Variants in AXIN2 observed in about 807,000 individuals in gnomAD.
AXIN2 encodes axin 2.
Under a neutral mutation model 74.7 loss-of-function variants are expected in AXIN2, and 21 were observed. The ratio of observed to expected loss-of-function variants is 0.28; its 90% confidence interval spans 0.20 to 0.40. The LOEUF (loss-of-function observed/expected upper bound fraction) is 0.40. Among genes scored for constraint, AXIN2 ranks in the 10% least tolerant of loss-of-function variants. The pLI is 1.00. For missense variants in AXIN2, 1,144 were observed against 1,111.1 expected (o/e 1.03, Z -0.42); for synonymous variants, 532 against 454.9 (o/e 1.17, Z -2.16).
In AXIN2 at chr17:65,558,094, G is replaced by A. The variant is rs878854731; in HGVS notation, c.527C>T (p.Thr176Ile). 4 of 1,613,914 alleles carry A rather than the reference G, an allele frequency of 2.5e-6. No homozygotes were observed. In the African/African-American group the frequency reaches 5.3e-5, roughly 22 times the overall value. ...TTCCTCCATCACCGACTGGATCTCG[G>A]TCTGCGCCTGGTCAAACATGATGGA... is the stretch of plus-strand genomic sequence containing the variant. ...IDSIMFDQAQTEIQSVMEENA... is the reference protein window; with the variant it reads ...IDSIMFDQAQIEIQSVMEENA... Residue 176 changes from threonine (T) to isoleucine (I), a missense_variant, in exon 2 of 11, where the codon ACC becomes ATC. Coordinates refer to ENST00000307078, the MANE Select transcript of AXIN2 (RefSeq NM_004655.4).
rs876661104 is a variant in AXIN2 at position 65,561,461 on chromosome 17, G to A, written c.-128C>T. On this transcript the variant is annotated 5_prime_UTR_variant, in exon 1 of 11. Coordinates refer to ENST00000307078, the MANE Select transcript of AXIN2 (RefSeq NM_004655.4). ...GCTTCCACCCCCACCTTTTACAGCAGGGCCTTCGGCGGGCGCCTCGGCCGC... is the reference window on the plus strand; with the variant it reads ...GCTTCCACCCCCACCTTTTACAGCAAGGCCTTCGGCGGGCGCCTCGGCCGC... 6 of 150,434 alleles carry A rather than the reference G, an allele frequency of 4.0e-5. No individual in the cohort carries two copies. Among genetic ancestry groups the A allele is most frequent in the East Asian group, 1.9e-4 (1 of 5,138 alleles). The allele number at this position is 150,434 out of a possible 1,614,324, so 9.3% of individuals were successfully genotyped here.
chr17:65,539,079 T>C lies in AXIN2; in HGVS notation c.1060-736A>G, dbSNP rs952958798. On this transcript the variant is annotated intron_variant, in intron 4 of 10. Coordinates refer to ENST00000307078, the MANE Select transcript of AXIN2 (RefSeq NM_004655.4). ...GAAAAGGGAACATCTCCAAATCAAG[T>C]GCAGAATATAAAAAGGCACCGAGTA... Among the ~76,000 whole-genome samples the C allele has an allele frequency of 3.9e-5, 6 of 152,142 alleles. No individual in the cohort carries two copies. The South Asian group carries it at 1.2e-3, about 32-fold the overall frequency.
intron 5 of AXIN2, 138 bp from the exon 6 acceptor site, chr17:65,537,973 C>G: frequency 1.5e-6 from 2 of 1,353,418 alleles, no homozygotes; most frequent in Non-Finnish European, 2.0e-6. Flanking sequence ...TGCGCACACG[C>G]ACAGGCCCGC....
At chr17:65,556,721 G>A (rs180922276) in intron 2 of AXIN2, among the ~76,000 whole-genome samples, 173 of 152,190 alleles carry the variant, frequency 1.1e-3, no homozygotes, top group African/African-American at 4.0e-3. Flanking sequence ...TCTTCCTGCT[G>A]CTGGGCACTA....
chr17:65,554,064 C>T (rs926269162), intron 2 of AXIN2, among the ~76,000 whole-genome samples: 10 of 151,364 alleles, frequency 6.6e-5, no homozygotes, highest in Admixed American at 2.6e-4. Context: ...CAGAGACCCC[C>T]GGAACCTTCA....
In AXIN2 at chr17:65,532,428, A is replaced by T. The variant is rs369790656; in HGVS notation, c.2405+1484T>A. ...TGTGTCTTTTCAAGATAAAAGCAGC[A>T]GCAGCAGCAGCCAGGCCTGTTCCCC... is the stretch of plus-strand genomic sequence containing the variant. On this transcript the variant is annotated intron_variant, in intron 10 of 10. Coordinates refer to ENST00000307078, the MANE Select transcript of AXIN2 (RefSeq NM_004655.4). 5.3e-5 allele frequency among the ~76,000 whole-genome samples: 8 copies of T among 152,326 alleles called. No homozygotes were observed. In the East Asian group the frequency reaches 1.4e-3, roughly 26 times the overall value.
intron 2 of AXIN2, among the ~76,000 whole-genome samples, chr17:65,554,374 C>T (rs2044237674): frequency 6.6e-6 from 1 of 152,240 alleles, no homozygotes; most frequent in African/African-American, 2.4e-5. Context: ...AAGGTCACTG[C>T]CCAAAAGGCA....
intron 1 of AXIN2, chr17:65,560,561 C>T (rs1367419229): frequency 6.6e-6 from 1 of 152,252 alleles, no homozygotes; most frequent in African/African-American, 2.4e-5. Context: ...TCTGCCCCCT[C>T]TCCGCCCCCG....
intron 10 of AXIN2, among the ~76,000 whole-genome samples, chr17:65,531,424 C>CGG (rs756965909): frequency 2.0e-5 from 3 of 151,700 alleles, no homozygotes; most frequent in Non-Finnish European, 2.9e-5. Flanking sequence ...TCAAAATTCT[C>CGG]GGGGGAGCGT....
chr17:65,553,104 T>C (rs1034372472), intron 2 of AXIN2, among the ~76,000 whole-genome samples: 9 of 152,184 alleles, frequency 5.9e-5, no homozygotes, highest in African/African-American at 2.2e-4. Flanking sequence ...TCATCATCTT[T>C]ATCATGATCT....
Position 65,535,733 on chromosome 17 carries a change from G to A in AXIN2, c.2142-12C>T. On this transcript the variant is annotated splice_polypyrimidine_tract_variant and intron_variant, in intron 8 of 10. Transcript: ENST00000307078. ...TGGCCACACAGCACCTGAGGACACA[G>A]CCAGGGCGAGGGATTTAGAGGTACA... is the stretch of plus-strand genomic sequence containing the variant. 1 of 1,611,742 alleles carries A rather than the reference G, an allele frequency of 6.2e-7. No individual in the cohort carries two copies. The highest frequency in any genetic ancestry group is 1.7e-4 in the Middle Eastern group (1 of 6,050).
intron 5 of AXIN2, 29 bp from the exon 6 acceptor site, chr17:65,537,864 T>G (rs1028852098): frequency 2.0e-6 from 3 of 1,519,598 alleles, no homozygotes; most frequent in Non-Finnish European, 2.6e-6. Context: ...GAAGGAGAAG[T>G]GACCCAGGAA....
Position 65,529,810 on chromosome 17 carries a change from A to G in AXIN2, c.*166T>C. 9.1e-7 allele frequency: 1 copy of G among 1,095,172 alleles called. No homozygotes were observed. The allele number at this position is 1,095,172 out of a possible 1,614,324, so 67.8% of individuals were successfully genotyped here. On this transcript the variant is annotated 3_prime_UTR_variant, in exon 11 of 11. Coordinates refer to ENST00000307078, the MANE Select transcript of AXIN2 (RefSeq NM_004655.4). The stretch of plus-strand genomic sequence containing the variant: ...ACCCAGCTCATGAATCATGAAAATC[A>G]ACCTCCCCCCGCCCTCCCGAAGGCC...
chr17:65,530,016 T>G lies in AXIN2; in HGVS notation c.2492A>C (p.Tyr831Ser). Reference sequence around the variant, plus strand: ...CACTTTGCCCAGAATCCGGCCTTCATACATCGGGAGCACCGTCTCATCCTC... The same window carrying G: ...CACTTTGCCCAGAATCCGGCCTTCAGACATCGGGAGCACCGTCTCATCCTC... ...IWEDETVLPM[Y>S]EGRILGKVER... The change falls in exon 11 of 11, where the codon TAT becomes TCT. Residue 831 changes from tyrosine (Y) to serine (S), a missense_variant. This residue lies in a region of AXIN2 where 65 missense variants were observed against 95.7 expected (regional missense o/e 0.68). Coordinates refer to ENST00000307078, the MANE Select transcript of AXIN2 (RefSeq NM_004655.4). 1 of 1,614,222 alleles carries G rather than the reference T, an allele frequency of 6.2e-7. No individual in the cohort carries two copies. Among genetic ancestry groups the G allele is most frequent in the Non-Finnish European group, 8.5e-7 (1 of 1,180,032 alleles).
At chr17:65,560,367 G>C (rs1404901507) in intron 1 of AXIN2, 1 of 151,916 alleles carries the variant, frequency 6.6e-6, no homozygotes, top group Admixed American at 6.5e-5. Flanking sequence ...GCGGCAGGGA[G>C]GGGAAAAGGG....
intron 2 of AXIN2, among the ~76,000 whole-genome samples, chr17:65,549,964 G>A (rs1415457372): frequency 6.6e-6 from 1 of 152,200 alleles, no homozygotes; most frequent in African/African-American, 2.4e-5. Context: ...TTAGAGGAAG[G>A]AACTGGACTC....
chr17:65,544,860 C>T (rs2044095632), intron 3 of AXIN2, among the ~76,000 whole-genome samples: 1 of 152,206 alleles, frequency 6.6e-6, no homozygotes, highest in Non-Finnish European at 1.5e-5. Context: ...TTTCTGGCGA[C>T]TTTGAAATAG....
In AXIN2 at chr17:65,528,917, C is replaced by A. The variant is rs530280788; in HGVS notation, c.*1059G>T. The A allele has an allele frequency of 6.4e-6, 2 of 310,378 alleles. No homozygotes were observed. The highest frequency in any genetic ancestry group is 1.2e-5 in the Non-Finnish European group (2 of 167,660). 19.2% of individuals were successfully genotyped at this position (310,378 alleles called of 1,614,324 possible). A position where few individuals can be genotyped will look rare whatever the true frequency, so the allele number is the denominator to read the frequency against. On this transcript the variant is annotated 3_prime_UTR_variant, in exon 11 of 11. Coordinates refer to ENST00000307078, the MANE Select transcript of AXIN2 (RefSeq NM_004655.4). ...ATATACAGATGTATAGTACAAGTAA[C>A]AATGGCAAACAGAATGTACAGATTA...
chr17:65,558,231 T>C lies in AXIN2; in HGVS notation c.390A>G (p.Val130=), dbSNP rs1266454647. 5 of 1,614,078 alleles carry C rather than the reference T, an allele frequency of 3.1e-6. No individual in the cohort carries two copies. The highest frequency in any genetic ancestry group is 4.2e-6 in the Non-Finnish European group (5 of 1,180,046). Residue 130 remains valine, a synonymous_variant, in exon 2 of 11, where the codon GTA becomes GTG. Transcript: ENST00000307078. Reference sequence around the variant, plus strand: ...TGTACCTTTTGTAGATCGCTTTGGCTACTCGTAAAGTTTTGGTATCCTTCA... The same window carrying C: ...TGTACCTTTTGTAGATCGCTTTGGCCACTCGTAAAGTTTTGGTATCCTTCA... ...MNLKDTKTLR[V]AKAIYKRYIE...
Sources: allele counts gnomAD v4.1 joint callset (sites outside exome capture counted in the v4.1 genomes callset), GRCh38; gene constraint gnomAD v4.1.1; regional missense constraint gnomAD v4.1.1; transcripts MANE v1.5; gene names NCBI Gene and HGNC (gene_info 2026-07-23, HGNC 2026-07-21).